SOX6: variants seen among roughly 807,000 people sequenced by gnomAD.
The protein encoded by SOX6 is SRY-box transcription factor 6, also known as transcription factor SOX-6.
In SOX6, 11 loss-of-function variants were observed where a neutral mutation model predicts 97.8. The observed-to-expected ratio is 0.11, with a 90% CI of 0.07 to 0.19. SOX6 has a LOEUF of 0.19. Ranked by LOEUF, SOX6 falls within the 10% of genes least tolerant of loss-of-function variation. The probability of loss-of-function intolerance (pLI) is 1.00; values close to 1 mark genes in which losing one functional copy is unlikely to be tolerated. For missense variants in SOX6, 810 were observed against 1,039.5 expected, an observed-to-expected ratio of 0.78 and a Z score of 3.04; for synonymous variants, 360 against 371.4, an observed-to-expected ratio of 0.97 and a Z score of 0.35.
At chr11:16,547,156 T>C (rs545023787) in intron 4 of SOX6, among the ~76,000 whole-genome samples, 15 of 152,260 alleles carry the variant, frequency 9.9e-5, no homozygotes, top group Non-Finnish European at 1.8e-4. Flanking sequence ...TCTTATACAC[T>C]CTTAGTGGGA....
At chr11:16,339,027 G>A (rs552939519) in intron 2 of SOX6, among the ~76,000 whole-genome samples, 1 of 151,936 alleles carries the variant, frequency 6.6e-6, no homozygotes, top group Admixed American at 6.6e-5. Context: ...ATTTGTCTAT[G>A]ACTAGATTTG....
rs148148983 is a variant in SOX6 at position 16,215,050 on chromosome 11, G to C, written c.535+19532C>G. 6.6e-5 allele frequency among the ~76,000 whole-genome samples: 10 copies of C among 152,136 alleles called. No individual in the cohort carries two copies. The East Asian group carries it at 1.9e-3, about 29-fold the overall frequency. On this transcript the variant is annotated intron_variant, in intron 4 of 15. Transcript: ENST00000683767. ...GGCGTGAGCCATCGCGCCCAGCCTAGAACTTTTTAAGTAGAACCTGTTTAA... is the reference window on the plus strand; with the variant it reads ...GGCGTGAGCCATCGCGCCCAGCCTACAACTTTTTAAGTAGAACCTGTTTAA...
intron 1 of SOX6, among the ~76,000 whole-genome samples, chr11:16,426,708 A>G (rs1590198929): frequency 6.6e-6 from 1 of 151,908 alleles, no homozygotes; most frequent in East Asian, 1.9e-4. Context: ...AGGTCAGGAG[A>G]TCGAGACCAT....
At chr11:16,638,410 G>T (rs1848829360) in intron 3 of SOX6, among the ~76,000 whole-genome samples, 1 of 151,730 alleles carries the variant, frequency 6.6e-6, no homozygotes, top group African/African-American at 2.4e-5. Flanking sequence ...TAATCCTTTG[G>T]GTATATACCA....
chr11:16,319,550 C>T (rs1244392482), intron 2 of SOX6, among the ~76,000 whole-genome samples: 2 of 146,502 alleles, frequency 1.4e-5, no homozygotes, highest in African/African-American at 2.5e-5. Flanking sequence ...TGTTCCCCTT[C>T]TTGTGTCCAA....
At chr11:15,995,305 T>C (rs1854190046) in intron 13 of SOX6, among the ~76,000 whole-genome samples, 1 of 152,148 alleles carries the variant, frequency 6.6e-6, no homozygotes, top group African/African-American at 2.4e-5. Context: ...AAATTCAATA[T>C]GCCAGGACTA....
chr11:16,341,313 C>T (rs1856627152), intron 1 of SOX6, 61 bp from the exon 2 acceptor site: 2 of 1,592,784 alleles, frequency 1.3e-6, no homozygotes, highest in Non-Finnish European at 1.7e-6. Flanking sequence ...TAAACCAATC[C>T]TTGCATTTGG....
intron 4 of SOX6, among the ~76,000 whole-genome samples, chr11:16,189,133 A>G (rs1408331548): frequency 6.6e-6 from 1 of 152,212 alleles, no homozygotes; most frequent in Non-Finnish European, 1.5e-5. Flanking sequence ...GTAAACTACA[A>G]CTACATAGGA....
chr11:16,129,334 T>A (rs1348971603), intron 6 of SOX6, among the ~76,000 whole-genome samples: 1 of 152,214 alleles, frequency 6.6e-6, no homozygotes, highest in Non-Finnish European at 1.5e-5. Context: ...TTTCTGATAA[T>A]TGCCTCTCTT....
chr11:16,603,764 T>C (rs962701286), intron 4 of SOX6, among the ~76,000 whole-genome samples: 2 of 151,944 alleles, frequency 1.3e-5, no homozygotes, highest in Non-Finnish European at 2.9e-5. Context: ...GTACCCCTCT[T>C]ACCAATAGTT....
chr11:15,975,378 G>A (rs1853444631), intron 15 of SOX6, among the ~76,000 whole-genome samples: 1 of 152,108 alleles, frequency 6.6e-6, no homozygotes, highest in African/African-American at 2.4e-5. Context: ...ATCACATTAT[G>A]AGTGTAGAGG....
chr11:16,250,244 T>C (rs553541681), intron 3 of SOX6, among the ~76,000 whole-genome samples: 1 of 151,360 alleles, frequency 6.6e-6, no homozygotes, highest in South Asian at 2.1e-4. Context: ...GAATTTTGAG[T>C]GCCATTAAAT....
intron 1 of SOX6, among the ~76,000 whole-genome samples, chr11:16,410,853 T>C (rs1481753783): frequency 6.6e-6 from 1 of 151,266 alleles, no homozygotes; most frequent in East Asian, 1.9e-4. Context: ...TGTGGAAGTG[T>C]ATGAGAGGTT....
chr11:16,133,731 C>A (rs1241198606), intron 6 of SOX6, among the ~76,000 whole-genome samples: 1 of 152,124 alleles, frequency 6.6e-6, no homozygotes, highest in Non-Finnish European at 1.5e-5. Context: ...CTCTGTTGCC[C>A]AGGCTGGAGT....
intron 2 of SOX6, among the ~76,000 whole-genome samples, chr11:16,333,025 A>C (rs1337409101): frequency 3.0e-4 from 45 of 152,172 alleles, no homozygotes; most frequent in Admixed American, 2.9e-3. Context: ...TTCCTGCTTC[A>C]TGCAGGTGGT....
At chr11:16,399,820 AT>A (rs1489466249) in intron 1 of SOX6, among the ~76,000 whole-genome samples, 1 of 151,430 alleles carries the variant, frequency 6.6e-6, no homozygotes, top group African/African-American at 2.4e-5. Context: ...TATTTGTTAC[AT>A]GACATTTGAC....
chr11:16,472,470 A>G (rs1860154531), intron 1 of SOX6, among the ~76,000 whole-genome samples: 1 of 152,150 alleles, frequency 6.6e-6, no homozygotes, highest in African/African-American at 2.4e-5. Context: ...TTGCTTCCTA[A>G]TCCTCACCAC....
chr11:16,331,700 C>A (rs1373639771), intron 2 of SOX6, among the ~76,000 whole-genome samples: 1 of 152,144 alleles, frequency 6.6e-6, no homozygotes, highest in Non-Finnish European at 1.5e-5. Flanking sequence ...AATGATCTAT[C>A]CATCCATGCA....
chr11:15,985,401 T>C (rs1462658788), intron 15 of SOX6, among the ~76,000 whole-genome samples: 1 of 152,138 alleles, frequency 6.6e-6, no homozygotes, highest in Non-Finnish European at 1.5e-5. Context: ...GTTTCCCTAC[T>C]CTGAGTCCAG....
Sources: allele counts gnomAD v4.1 joint callset (sites outside exome capture counted in the v4.1 genomes callset), GRCh38; gene constraint gnomAD v4.1.1; transcripts MANE v1.5; gene names NCBI Gene and HGNC (gene_info 2026-07-23, HGNC 2026-07-21).